The following THTPA variants were observed in gnomAD, a reference collection of about 807,000 sequenced individuals.
The protein encoded by THTPA is thiamine-triphosphatase.
A neutral mutation model predicts 16.5 loss-of-function variants in THTPA; 16 were observed. The observed-to-expected ratio is 0.97, with a 90% CI of 0.66 to 1.47. The LOEUF (loss-of-function observed/expected upper bound fraction) is 1.47. THTPA is among the 40% of genes most tolerant of loss of function. The pLI is 0.00. For missense variants in THTPA, 281 were observed against 280.9 expected (o/e 1.00, Z 0.00); for synonymous variants, 110 against 115.5 (o/e 0.95, Z 0.30).
chr14:23,526,879 G>A, the THTPA span: 2 of 1,534,188 alleles, frequency 1.3e-6, no homozygotes, highest in South Asian at 1.2e-5. Context: ...TGTAGGCTCT[G>A]GCCCATGAGT....
the THTPA span, among the ~76,000 whole-genome samples, chr14:23,541,448 C>T: frequency 1.3e-5 from 2 of 151,854 alleles, no homozygotes; most frequent in Admixed American, 1.3e-4. Context: ...CCACCACGCC[C>T]AGCTAATTTT....
chr14:23,538,972 C>T, the THTPA span, among the ~76,000 whole-genome samples: 7 of 152,120 alleles, frequency 4.6e-5, no homozygotes, highest in Admixed American at 2.6e-4. Flanking sequence ...TACAAGGCTG[C>T]TGCCACTGAG....
the THTPA span, chr14:23,521,023 T>C: frequency 6.6e-6 from 1 of 152,148 alleles, no homozygotes; most frequent in African/African-American, 2.4e-5. Flanking sequence ...TGAAAGAACT[T>C]TGGATTTGCC....
chr14:23,547,759 T>C, the THTPA span, among the ~76,000 whole-genome samples: 1 of 152,190 alleles, frequency 6.6e-6, no homozygotes, highest in Admixed American at 6.5e-5. Flanking sequence ...TGGGCAACTC[T>C]TTCCCCCAGC....
chr14:23,549,975 C>T, the THTPA span, among the ~76,000 whole-genome samples: 4 of 152,002 alleles, frequency 2.6e-5, no homozygotes, highest in East Asian at 7.7e-4. Context: ...GGTGGAAACT[C>T]AGAGCTCATG....
the THTPA span, among the ~76,000 whole-genome samples, chr14:23,520,394 CA>C: frequency 4.2e-4 from 49 of 115,844 alleles, 1 homozygote; most frequent in Middle Eastern, 4.8e-3. This position sits in a 1 kb window ranked among gnomAD's most constrained non-coding sequence, Gnocchi z 8.7. Flanking sequence ...GGTGGGCCTC[CA>C]GGGGGGCAGC....
At chr14:23,530,529 TGTA>T in the THTPA span, 1 of 522,894 alleles carries the variant, frequency 1.9e-6, no homozygotes, top group Non-Finnish European at 3.6e-6. Context: ...CCCAGAGAAA[TGTA>T]GTAGGAGGGG....
At chr14:23,528,634 T>C in the THTPA span, 1 of 985,358 alleles carries the variant, frequency 1.0e-6, no homozygotes, top group Non-Finnish European at 1.2e-6. Flanking sequence ...CCTACCTGTC[T>C]GCTCAGAAGC....
chr14:23,549,368 A>C, the THTPA span, among the ~76,000 whole-genome samples: 2 of 152,038 alleles, frequency 1.3e-5, no homozygotes, highest in Non-Finnish European at 2.9e-5. Flanking sequence ...TCTTCTGCCC[A>C]TGTCTGCCTG....
chr14:23,553,852 C>T (rs1486806273), upstream of THTPA, among the ~76,000 whole-genome samples: 2 of 152,006 alleles, frequency 1.3e-5, no homozygotes, highest in African/African-American at 4.8e-5. Flanking sequence ...CGAGATGGCG[C>T]CACTACACTC....
chr14:23,550,969 C>T, the THTPA span, among the ~76,000 whole-genome samples: 2 of 152,058 alleles, frequency 1.3e-5, no homozygotes, highest in African/African-American at 4.8e-5. Context: ...CCTCCCCTTC[C>T]CCCCGGGATC....
At chr14:23,544,541 C>T in the THTPA span, among the ~76,000 whole-genome samples, 1 of 152,172 alleles carries the variant, frequency 6.6e-6, no homozygotes, top group Admixed American at 6.5e-5. Context: ...TGGATTTTCC[C>T]AGGCCCTCCA....
the THTPA span, among the ~76,000 whole-genome samples, chr14:23,512,411 G>C: frequency 2.6e-5 from 4 of 152,098 alleles, no homozygotes; most frequent in African/African-American, 9.6e-5. Flanking sequence ...GGGGCTGTGC[G>C]GCTGGGGGTG....
the THTPA span, chr14:23,525,447 C>T: frequency 9.8e-6 from 15 of 1,535,996 alleles, no homozygotes; most frequent in Middle Eastern, 1.7e-4. The surrounding 1 kb of genome is among the most constrained non-coding windows in gnomAD (Gnocchi z 5.9). Flanking sequence ...ACATGTTCCT[C>T]GTGTGTCTTG....
chr14:23,523,654 C>A, the THTPA span: 1 of 1,547,524 alleles, frequency 6.5e-7, no homozygotes, highest in Non-Finnish European at 8.7e-7. The surrounding 1 kb of genome is among the most constrained non-coding windows in gnomAD (Gnocchi z 4.1). Flanking sequence ...CTCCCAGCAC[C>A]TCACACTCCT....
At chr14:23,532,442 G>A in the THTPA span, 1 of 1,181,792 alleles carries the variant, frequency 8.5e-7, no homozygotes, top group Non-Finnish European at 1.1e-6. Flanking sequence ...TCATTACCTG[G>A]TGCATACTTT....
the THTPA span, chr14:23,523,611 C>T: frequency 3.2e-6 from 5 of 1,557,238 alleles, no homozygotes; most frequent in South Asian, 1.2e-5. This position sits in a 1 kb window ranked among gnomAD's most constrained non-coding sequence, Gnocchi z 4.1. Context: ...TGGAACCAGA[C>T]CTGGATGACT....
chr14:23,532,949 G>A, the THTPA span: 1 of 1,536,226 alleles, frequency 6.5e-7, no homozygotes, highest in Non-Finnish European at 8.7e-7. Context: ...TGTGCTGAAG[G>A]CCTGGCACAC....
chr14:23,534,831 G>A, the THTPA span: 4 of 1,536,196 alleles, frequency 2.6e-6, no homozygotes, highest in Non-Finnish European at 3.5e-6. The surrounding 1 kb of genome is among the most constrained non-coding windows in gnomAD (Gnocchi z 4.5). Context: ...GGGCAGTGAG[G>A]TGTGAGGGGG....
Sources: allele counts gnomAD v4.1 joint callset (sites outside exome capture counted in the v4.1 genomes callset), GRCh38; gene constraint gnomAD v4.1.1; non-coding constraint Gnocchi (gnomAD v3.1); transcripts MANE v1.5; gene names NCBI Gene and HGNC (gene_info 2026-07-23, HGNC 2026-07-21).